STAC: variants seen among roughly 807,000 people sequenced by gnomAD.
STAC encodes the protein SH3 and cysteine-rich domain-containing protein.
In STAC, 43 loss-of-function variants were observed where a neutral mutation model predicts 48.8. The ratio of observed to expected loss-of-function variants is 0.88; its 90% CI spans 0.69 to 1.14. The LOEUF is 1.14. Ranked by LOEUF, STAC falls within the 50% of genes most tolerant of loss-of-function variation. The pLI, the probability that STAC is intolerant of heterozygous loss-of-function variation, is 0.00. For missense variants in STAC, 497 were observed against 504.0 expected, an observed-to-expected ratio of 0.99 and a Z score of 0.13; for synonymous variants, 193 against 179.5, an observed-to-expected ratio of 1.07 and a Z score of -0.60.
chr3:36,403,557 T>C (rs1380722408), intron 1 of STAC, among the ~76,000 whole-genome samples: 1 of 151,268 alleles, frequency 6.6e-6, no homozygotes, highest in East Asian at 1.9e-4. Flanking sequence ...GAATGAGCAA[T>C]GAAAGTAAAA....
In STAC at chr3:36,437,153, C is replaced by T. The variant is rs550407241; in HGVS notation, c.112-6211C>T. Among the ~76,000 whole-genome samples, 466 of 150,932 alleles carry T rather than the reference C, an allele frequency of 3.1e-3. 4 individuals are homozygous for T. Among genetic ancestry groups the T allele is most frequent in the African/African-American group, 9.9e-3 (404 of 40,926 alleles). On this transcript the variant is annotated intron_variant, in intron 1 of 10. Transcript: ENST00000273183. ...AGGTGCTGGAGAGGATGTGGAGAAACAGGAACACTTTTACACTGTTGGTGG... is the reference window on the plus strand; with the variant it reads ...AGGTGCTGGAGAGGATGTGGAGAAATAGGAACACTTTTACACTGTTGGTGG...
chr3:36,509,499 T>C (rs1397883379), intron 8 of STAC, among the ~76,000 whole-genome samples: 1 of 152,196 alleles, frequency 6.6e-6, no homozygotes, highest in Non-Finnish European at 1.5e-5. Context: ...AAGAGTGTTT[T>C]CCAACTTTGT....
chr3:36,481,089 G>A (rs1167998237), intron 2 of STAC, among the ~76,000 whole-genome samples: 1 of 152,250 alleles, frequency 6.6e-6, no homozygotes, highest in Non-Finnish European at 1.5e-5. Context: ...TCCACAGACT[G>A]AGGGGTTGCT....
At chr3:36,441,228 C>G (rs1168773785) in intron 1 of STAC, among the ~76,000 whole-genome samples, 1 of 152,034 alleles carries the variant, frequency 6.6e-6, no homozygotes, top group Admixed American at 6.6e-5. Flanking sequence ...AGTAAAAAAT[C>G]TCTCCCTATC....
chr3:36,485,586 C>G (rs1376351804), intron 4 of STAC, among the ~76,000 whole-genome samples: 1 of 152,164 alleles, frequency 6.6e-6, no homozygotes, highest in Non-Finnish European at 1.5e-5. Context: ...GGCTTGGATT[C>G]TTCTCTAACA....
At chr3:36,464,292 T>C (rs188135572) in intron 2 of STAC, among the ~76,000 whole-genome samples, 4 of 152,324 alleles carry the variant, frequency 2.6e-5, no homozygotes, top group African/African-American at 9.6e-5. Flanking sequence ...TTTTTTCATG[T>C]GTCTTTTGGC....
chr3:36,447,195 GC>G (rs986652349), intron 2 of STAC, among the ~76,000 whole-genome samples: 3 of 152,112 alleles, frequency 2.0e-5, no homozygotes, highest in African/African-American at 7.2e-5. Context: ...GGCTATGTCT[GC>G]CCCCAGGAAG....
chr3:36,507,915 C>G (rs906961842), intron 8 of STAC, among the ~76,000 whole-genome samples: 1 of 152,010 alleles, frequency 6.6e-6, no homozygotes, highest in Admixed American at 6.6e-5. Flanking sequence ...GTGTCTCTAT[C>G]TCCTTCAGTT....
Position 36,390,451 on chromosome 3 carries a change from C to CTTTTTTTTTTTTTTTTTT in STAC, c.111+9701_111+9718dup, listed in dbSNP as rs59589769. Among the ~76,000 whole-genome samples the CTTTTTTTTTTTTTTTTTT allele has an allele frequency of 4.2e-4, 34 of 80,822 alleles. 1 individual carries two copies. Among genetic ancestry groups the CTTTTTTTTTTTTTTTTTT allele is most frequent in the Non-Finnish European group, 6.1e-4 (25 of 41,016 alleles). 53.0% of individuals were successfully genotyped at this position (80,822 alleles called of 152,430 possible). A position where few individuals can be genotyped will look rare whatever the true frequency, so the allele number is the denominator to read the frequency against. ...GAAGTAATCATGTGATTTTTCTTTTCTTTTTTTTTTTTTTTTTTTTTGTCC... is the reference window on the plus strand; with the variant it reads ...GAAGTAATCATGTGATTTTTCTTTTCTTTTTTTTTTTTTTTTTTTTTTTTTTTTTTTTTTTTTTTGTCC... On this transcript the variant is annotated intron_variant, in intron 1 of 10. Transcript: ENST00000273183.
chr3:36,503,694 A>G (rs1698331513), intron 6 of STAC, among the ~76,000 whole-genome samples: 1 of 152,092 alleles, frequency 6.6e-6, no homozygotes, highest in South Asian at 2.1e-4. Context: ...CGGCCTCCCA[A>G]ACTGCTGGGA....
At chr3:36,535,500 A>C (rs2125500107) in intron 10 of STAC, among the ~76,000 whole-genome samples, 1 of 152,288 alleles carries the variant, frequency 6.6e-6, no homozygotes, top group South Asian at 2.1e-4. Context: ...AGAACTTCTA[A>C]TACTATGTTG....
chr3:36,534,479 C>T (rs1041972815), intron 10 of STAC, among the ~76,000 whole-genome samples: 1 of 152,032 alleles, frequency 6.6e-6, no homozygotes, highest in Non-Finnish European at 1.5e-5. Context: ...TGGACATTAA[C>T]AAGAAAATAA....
At chr3:36,498,443 AT>A (rs1366300767) in intron 6 of STAC, among the ~76,000 whole-genome samples, 2 of 152,210 alleles carry the variant, frequency 1.3e-5, no homozygotes, top group African/African-American at 4.8e-5. Flanking sequence ...CTAAGTGACA[AT>A]TTAGAAGTAC....
intron 5 of STAC, among the ~76,000 whole-genome samples, chr3:36,486,734 T>C (rs1425830357): frequency 6.6e-6 from 1 of 152,228 alleles, no homozygotes; most frequent in African/African-American, 2.4e-5. Flanking sequence ...TCAAAGTTAC[T>C]TGAACTGTGA....
rs76913925 is a variant in STAC at position 36,436,122 on chromosome 3, C to A, written c.112-7242C>A. ...TCCCTGGAATCCCAGAATCATATAT[C>A]CAGCTGCTTAACTGGCAGTGCCACT... is the stretch of plus-strand genomic sequence containing the variant. On this transcript the variant is annotated intron_variant, in intron 1 of 10. Transcript: ENST00000273183. 1.1e-3 allele frequency among the ~76,000 whole-genome samples: 170 copies of A among 152,322 alleles called. 3 individuals carry two copies. In the East Asian group the frequency reaches 0.026, roughly 23 times the overall value.
At position 36,507,226 on chromosome 3, in the gene STAC, T is replaced by C. The variant is rs539204765; in HGVS notation, c.920+1392T>C. ...TGTTTATGTGATGGATTATGTTTATTGATTTGTGTATATTGAAACAGCCTT... is the reference window on the plus strand; with the variant it reads ...TGTTTATGTGATGGATTATGTTTATCGATTTGTGTATATTGAAACAGCCTT... On this transcript the variant is annotated intron_variant, in intron 8 of 10. Coordinates refer to ENST00000273183, the MANE Select transcript of STAC (RefSeq NM_003149.3). 8.5e-4 allele frequency among the ~76,000 whole-genome samples: 129 copies of C among 152,336 alleles called. 1 individual carries two copies. The highest frequency in any genetic ancestry group is 2.4e-3 in the Admixed American group (37 of 15,302).
chr3:36,540,074 T>C (rs936219305), intron 10 of STAC, among the ~76,000 whole-genome samples: 8 of 152,056 alleles, frequency 5.3e-5, no homozygotes, highest in African/African-American at 1.9e-4. Flanking sequence ...GATGTGATGA[T>C]GGAAGCCGGG....
chr3:36,499,789 A>C (rs1006002547), intron 6 of STAC, among the ~76,000 whole-genome samples: 6 of 152,166 alleles, frequency 3.9e-5, no homozygotes, highest in African/African-American at 1.4e-4. Context: ...TGCAGGGGGA[A>C]GAAAGAAAAA....
chr3:36,427,771 T>G (rs969166650), intron 1 of STAC, among the ~76,000 whole-genome samples: 4 of 152,148 alleles, frequency 2.6e-5, no homozygotes, highest in Non-Finnish European at 2.9e-5. Flanking sequence ...AAAGCAGATA[T>G]TCAACAAAGA....
Sources: gnomAD v4.1 joint callset for allele counts (sites outside exome capture counted in the v4.1 genomes callset) on GRCh38, gnomAD v4.1.1 for gene constraint, MANE v1.5 for transcripts, NCBI Gene and HGNC (gene_info 2026-07-23, HGNC 2026-07-21) for gene names.